ZPBP: variants seen among roughly 807,000 people sequenced by gnomAD.
ZPBP encodes zona pellucida-binding protein 1.
In ZPBP, 26 loss-of-function variants were observed where a neutral mutation model predicts 44.8. The ratio of observed to expected loss-of-function variants is 0.58; its 90% CI spans 0.43 to 0.81. The LOEUF is 0.81. Ranked by LOEUF, ZPBP falls within the 30% of genes least tolerant of loss-of-function variation. The pLI, the probability that ZPBP is intolerant of heterozygous loss-of-function variation, is 0.00. For synonymous variants in ZPBP, 174 were observed against 153.2 expected (o/e 1.14, Z -1.00); for missense variants, 409 against 434.0 (o/e 0.94, Z 0.51).
intron 5 of ZPBP, among the ~76,000 whole-genome samples, chr7:50,027,827 C>T (rs1911771): frequency 0.77 from 116,786 of 151,686 alleles, 45,053 homozygotes; most frequent in East Asian, 0.87. Context: ...TGAAATAAAT[C>T]GCTAGAAACA....
intron 4 of ZPBP, among the ~76,000 whole-genome samples, chr7:50,049,991 CAT>C (rs1227805944): frequency 5.9e-5 from 9 of 151,698 alleles, no homozygotes; most frequent in Admixed American, 1.3e-4. Flanking sequence ...TAGCAATAAA[CAT>C]GTGTAATTAA....
intron 3 of ZPBP, among the ~76,000 whole-genome samples, chr7:50,062,022 CA>C (rs2128833350): frequency 6.6e-6 from 1 of 152,318 alleles, no homozygotes; most frequent in South Asian, 2.1e-4. Flanking sequence ...CATTTCTATT[CA>C]CCAATAATAT....
intron 7 of ZPBP, among the ~76,000 whole-genome samples, chr7:49,974,302 T>C (rs1035679027): frequency 6.6e-6 from 1 of 152,140 alleles, no homozygotes; most frequent in African/African-American, 2.4e-5. Flanking sequence ...ATGCCATGCA[T>C]AATTTACCAA....
chr7:49,867,010 C>T (rs1333059169), intron 2 of ZPBP, among the ~76,000 whole-genome samples: 1 of 152,156 alleles, frequency 6.6e-6, no homozygotes, highest in Non-Finnish European at 1.5e-5. Flanking sequence ...AAACTACAGC[C>T]GGGATAATTC....
At chr7:49,947,903 G>C (rs1052710421) in intron 7 of ZPBP, among the ~76,000 whole-genome samples, 1 of 152,208 alleles carries the variant, frequency 6.6e-6, no homozygotes, top group Non-Finnish European at 1.5e-5. Flanking sequence ...TGGCACCAAA[G>C]CTTCAAGACA....
intron 7 of ZPBP, among the ~76,000 whole-genome samples, chr7:49,972,066 AC>A (rs1221767890): frequency 1.3e-5 from 2 of 152,054 alleles, no homozygotes; most frequent in Non-Finnish European, 2.9e-5. Context: ...AAAATATTCA[AC>A]AAAGTATGAA....
At chr7:49,955,598 T>A (rs1328349368) in intron 7 of ZPBP, among the ~76,000 whole-genome samples, 2 of 151,104 alleles carry the variant, frequency 1.3e-5, no homozygotes, top group Non-Finnish European at 1.5e-5. Flanking sequence ...AATTTTCAGA[T>A]AAGAAAGGAA....
chr7:50,011,068 C>T (rs778577574), intron 6 of ZPBP, among the ~76,000 whole-genome samples: 1 of 152,070 alleles, frequency 6.6e-6, no homozygotes, highest in Non-Finnish European at 1.5e-5. Flanking sequence ...CAAATACTTA[C>T]AGTCAACTGA....
chr7:50,021,059 A>G (rs1799070621), intron 5 of ZPBP, among the ~76,000 whole-genome samples: 1 of 152,072 alleles, frequency 6.6e-6, no homozygotes, highest in African/African-American at 2.4e-5. Context: ...GAAGGATCTG[A>G]TTTCAAAAGT....
chr7:49,896,176 G>C (rs1389294732), intron 2 of ZPBP, among the ~76,000 whole-genome samples: 1 of 152,014 alleles, frequency 6.6e-6, no homozygotes, highest in Non-Finnish European at 1.5e-5. Flanking sequence ...CCCTGTCTCT[G>C]CTAAAAATAC....
intron 7 of ZPBP, among the ~76,000 whole-genome samples, chr7:49,971,769 G>T (rs1271213351): frequency 6.6e-6 from 1 of 152,048 alleles, no homozygotes. Flanking sequence ...ATATGATCAT[G>T]ACACCCAAGC....
At chr7:49,979,044 G>C (rs1796659110) in intron 7 of ZPBP, among the ~76,000 whole-genome samples, 1 of 151,772 alleles carries the variant, frequency 6.6e-6, no homozygotes, top group Non-Finnish European at 1.5e-5. Context: ...TAAGTCTATT[G>C]AGCAATGATG....
At chr7:49,848,094 C>T (rs560392165), downstream of ZPBP, among the ~76,000 whole-genome samples, 23 of 152,292 alleles carry the variant, frequency 1.5e-4, no homozygotes, top group East Asian at 4.1e-3. Flanking sequence ...AGATCTGTCT[C>T]TGGGAGAAAT....
intron 7 of ZPBP, among the ~76,000 whole-genome samples, chr7:49,950,737 G>A (rs924614571): frequency 6.6e-6 from 1 of 151,614 alleles, no homozygotes; most frequent in Admixed American, 6.6e-5. Context: ...ATGCCTATGA[G>A]ACAGGTAAAA....
intron 6 of ZPBP, among the ~76,000 whole-genome samples, chr7:50,001,756 G>A (rs1171895397): frequency 6.6e-6 from 1 of 152,084 alleles, no homozygotes; most frequent in Non-Finnish European, 1.5e-5. Context: ...GGGAAACCCG[G>A]GAGGACCCCT....
At chr7:50,027,656 T>C in intron 5 of ZPBP, among the ~76,000 whole-genome samples, 1 of 151,600 alleles carries the variant, frequency 6.6e-6, no homozygotes. Context: ...GAAAAAGCAA[T>C]AAAGAAAACA....
intron 1 of ZPBP, among the ~76,000 whole-genome samples, chr7:49,910,164 A>G (rs1443281666): frequency 6.6e-6 from 1 of 152,172 alleles, no homozygotes; most frequent in African/African-American, 2.4e-5. Flanking sequence ...AGAAGGGGGC[A>G]CATGCAAGCA....
downstream of ZPBP, among the ~76,000 whole-genome samples, chr7:49,850,007 A>G (rs1305321668): frequency 6.6e-6 from 1 of 152,206 alleles, no homozygotes; most frequent in Non-Finnish European, 1.5e-5. Context: ...GCACAGTGCC[A>G]CTGCACAGTG....
intron 7 of ZPBP, among the ~76,000 whole-genome samples, chr7:49,951,202 A>C (rs900777252): frequency 6.6e-6 from 1 of 151,884 alleles, no homozygotes; most frequent in Non-Finnish European, 1.5e-5. Context: ...ATAAGCAATA[A>C]AAAATAAATA....
Sources: gnomAD v4.1 joint callset for allele counts (sites outside exome capture counted in the v4.1 genomes callset) on GRCh38, gnomAD v4.1.1 for gene constraint, MANE v1.5 for transcripts, NCBI Gene and HGNC (gene_info 2026-07-23, HGNC 2026-07-21) for gene names.